Variants in ITGA6 observed in about 807,000 individuals in gnomAD.
ITGA6 encodes integrin alpha-6.
A neutral mutation model predicts 133.6 loss-of-function variants in ITGA6; 63 were observed. That is an observed-to-expected ratio of 0.47 (90% CI 0.38 to 0.58). ITGA6 has a LOEUF of 0.58. ITGA6 is among the 20% of genes least tolerant of loss of function. ITGA6 has a pLI of 0.00. For synonymous variants in ITGA6, 434 were observed against 482.0 expected, an observed-to-expected ratio of 0.90 and a Z score of 1.30; for missense variants, 1,068 against 1,309.4, an observed-to-expected ratio of 0.82 and a Z score of 2.85.
intron 1 of ITGA6, among the ~76,000 whole-genome samples, chr2:172,441,755 C>T (rs6748504): frequency 0.017 from 2,508 of 151,970 alleles, 70 homozygotes; most frequent in African/African-American, 0.057. Context: ...AAAGGTAGAC[C>T]ACCATCCTCA....
intron 24 of ITGA6, among the ~76,000 whole-genome samples, chr2:172,501,295 A>G (rs890500444): frequency 2.0e-5 from 3 of 152,138 alleles, no homozygotes; most frequent in African/African-American, 7.2e-5. Context: ...GTTCCATAAA[A>G]TTTACTGTAA....
Position 172,505,746 on chromosome 2 carries a change from A to G in ITGA6, c.*1678A>G, listed in dbSNP as rs1455141173. The stretch of plus-strand genomic sequence containing the variant: ...TGGGGGGGCTTTTTTCTTTTCGGAA[A>G]TCTTAAACCTTAAGATACTAAGGAC... On this transcript the variant is annotated 3_prime_UTR_variant, in exon 26 of 26. Coordinates refer to ENST00000684293, the MANE Select transcript of ITGA6 (RefSeq NM_000210.4). 1 of 152,596 alleles carries G rather than the reference A, an allele frequency of 6.6e-6. No individual in the cohort carries two copies. Among genetic ancestry groups the G allele is most frequent in the Admixed American group, 6.5e-5 (1 of 15,278 alleles). 9.5% of individuals were successfully genotyped at this position (152,596 alleles called of 1,614,324 possible). A position where few individuals can be genotyped will look rare whatever the true frequency, so the allele number is the denominator to read the frequency against.
chr2:172,497,606 G>A (rs574741592), intron 23 of ITGA6, among the ~76,000 whole-genome samples: 2 of 152,224 alleles, frequency 1.3e-5, no homozygotes, highest in African/African-American at 4.8e-5. Context: ...CTTTTTGAGA[G>A]CAATTTGTTT....
chr2:172,427,545 T>C, upstream of ITGA6: 2 of 1,174,198 alleles, frequency 1.7e-6, no homozygotes, highest in Non-Finnish European at 2.1e-6. Context: ...GGGGCCGGCG[T>C]CCTCGTCACT....
Position 172,465,578 on chromosome 2 carries a change from G to T in ITGA6, c.222G>T (p.Leu74=). 1 of 1,614,264 alleles carries T rather than the reference G, an allele frequency of 6.2e-7. No homozygotes were observed. The highest frequency in any genetic ancestry group is 8.5e-7 in the Non-Finnish European group (1 of 1,180,050). Residue 74 remains leucine, a synonymous_variant, in exon 2 of 26, where the codon CTG becomes CTT. Coordinates refer to ENST00000684293, the MANE Select transcript of ITGA6 (RefSeq NM_000210.4). The stretch of plus-strand genomic sequence containing the variant: ...CCCCGCGGGCAGAAGCGCTTCCACT[G>T]CAGAGAGCCAACAGAACGGGAGGGC... The part of the protein sequence containing the change: ...VGAPRAEALP[L]QRANRTGGLY...
At position 172,431,145 on chromosome 2, in the gene ITGA6, G is replaced by C. The variant is rs113856336; in HGVS notation, c.182+3175G>C. On this transcript the variant is annotated intron_variant, in intron 1 of 25. Transcript: ENST00000684293. Reference sequence around the variant, plus strand: ...TCTGTTCTGTTCTGACCCTTACTAGGTTTGTTCTTGACTTTTCTCAGACTT... The same window carrying C: ...TCTGTTCTGTTCTGACCCTTACTAGCTTTGTTCTTGACTTTTCTCAGACTT... Among the ~76,000 whole-genome samples the C allele has an allele frequency of 4.5e-3, 689 of 152,232 alleles. 4 individuals are homozygous for C. The highest frequency in any genetic ancestry group is 7.6e-3 in the Non-Finnish European group (515 of 68,014).
chr2:172,428,686 C>T (rs930250228), intron 1 of ITGA6: 1 of 152,192 alleles, frequency 6.6e-6, no homozygotes, highest in East Asian at 1.9e-4. Flanking sequence ...CCGCTCGGCT[C>T]CTGCGTTGGG....
chr2:172,499,322 G>T (rs1179214943), intron 24 of ITGA6, among the ~76,000 whole-genome samples: 2 of 151,886 alleles, frequency 1.3e-5, no homozygotes, highest in Non-Finnish European at 2.9e-5. Flanking sequence ...GGCACACACA[G>T]CCAGTCAATA....
chr2:172,439,745 A>T (rs1286667574), intron 1 of ITGA6, among the ~76,000 whole-genome samples: 2 of 152,176 alleles, frequency 1.3e-5, no homozygotes, highest in Non-Finnish European at 2.9e-5. Flanking sequence ...TAGAAGGAAG[A>T]CTGAGACCCA....
chr2:172,488,351 A>G, intron 19 of ITGA6, 123 bp downstream of exon 19: 1 of 758,806 alleles, frequency 1.3e-6, no homozygotes, highest in South Asian at 1.5e-5. Flanking sequence ...TCATGAGTTA[A>G]AAATTAGTTT....
chr2:172,474,995 G>T lies in ITGA6; in HGVS notation c.1053G>T (p.Val351=). 1 of 1,585,448 alleles carries T rather than the reference G, an allele frequency of 6.3e-7. No homozygotes were observed. Among genetic ancestry groups the T allele is most frequent in the Non-Finnish European group, 8.7e-7 (1 of 1,153,798 alleles). ...FDRDGEVGGA[V]YVYMNQQGRW... is the part of the protein sequence containing the mutation. ...GAGATGGAGAAGTTGGAGGTGCAGT[G>T]TATGTCTACATGAACCAGCAAGGCA... is the stretch of plus-strand genomic sequence containing the variant. The change falls in exon 7 of 26, where the codon GTG becomes GTT. Residue 351 remains valine, a synonymous_variant. Transcript: ENST00000684293.
chr2:172,469,874 C>T lies in ITGA6; in HGVS notation c.643+494C>T, dbSNP rs540471518. ...TCAGTAGAGTTAGAAGGGCAGATTA[C>T]AGACGAATTGGGGAATTTTGAGGTA... On this transcript the variant is annotated intron_variant, in intron 4 of 25. Transcript: ENST00000684293. Among the ~76,000 whole-genome samples, 175 of 152,216 alleles carry T rather than the reference C, an allele frequency of 1.1e-3. 1 individual carries two copies. The highest frequency in any genetic ancestry group is 4.0e-3 in the African/African-American group (167 of 41,538).
At chr2:172,478,586 G>GAC (rs1301851045) in intron 9 of ITGA6, among the ~76,000 whole-genome samples, 1 of 152,248 alleles carries the variant, frequency 6.6e-6, no homozygotes, top group Non-Finnish European at 1.5e-5. Flanking sequence ...TGGCTGCTGG[G>GAC]AGCAGGGCAG....
chr2:172,440,343 A>T (rs1684489138), intron 1 of ITGA6, among the ~76,000 whole-genome samples: 1 of 152,238 alleles, frequency 6.6e-6, no homozygotes, highest in Non-Finnish European at 1.5e-5. Context: ...GAACCAGGGT[A>T]AACATTTCTT....
chr2:172,434,772 AC>A (rs1168825506), intron 1 of ITGA6, among the ~76,000 whole-genome samples: 1 of 152,032 alleles, frequency 6.6e-6, no homozygotes, highest in African/African-American at 2.4e-5. Context: ...TCTGAAACTT[AC>A]TTTTTTGAAA....
At chr2:172,481,672 C>T (rs1686447135) in intron 11 of ITGA6, among the ~76,000 whole-genome samples, 1 of 152,144 alleles carries the variant, frequency 6.6e-6, no homozygotes, top group Non-Finnish European at 1.5e-5. Flanking sequence ...TGTGGTCTCT[C>T]CATGGGACCT....
Position 172,504,892 on chromosome 2 carries a change from A to G in ITGA6, c.*824A>G, listed in dbSNP as rs1240627309. The stretch of plus-strand genomic sequence containing the variant: ...TTGAATGCTAGTTATACTTATTTGT[A>G]TATGGTATTTATTTTTTCTTTTCTT... On this transcript the variant is annotated 3_prime_UTR_variant, in exon 26 of 26. Transcript: ENST00000684293. 1 of 152,660 alleles carries G rather than the reference A, an allele frequency of 6.6e-6. No individual in the cohort carries two copies. The highest frequency in any genetic ancestry group is 1.5e-5 in the Non-Finnish European group (1 of 68,034). 9.5% of individuals were successfully genotyped at this position (152,660 alleles called of 1,614,324 possible).
upstream of ITGA6, chr2:172,427,494 G>C (rs904860841): frequency 1.8e-6 from 2 of 1,094,110 alleles, no homozygotes; most frequent in African/African-American, 1.7e-5. Flanking sequence ...GGTGCGCCGG[G>C]CCGCGGGCGC....
intron 24 of ITGA6, among the ~76,000 whole-genome samples, chr2:172,498,726 A>T (rs747285440): frequency 6.6e-6 from 1 of 152,242 alleles, no homozygotes; most frequent in Admixed American, 6.5e-5. Context: ...AAAACTGCGT[A>T]TGAGATGGAT....
Sources: allele counts gnomAD v4.1 joint callset (sites outside exome capture counted in the v4.1 genomes callset), GRCh38; gene constraint gnomAD v4.1.1; transcripts MANE v1.5; gene names NCBI Gene and HGNC (gene_info 2026-07-23, HGNC 2026-07-21).